Variants in ATRX observed in about 807,000 individuals in gnomAD.
The protein encoded by ATRX is chromatin remodeler ATRX.
Under a neutral mutation model 172.6 loss-of-function variants are expected in ATRX, and 12 were observed. The ratio of observed to expected loss-of-function variants is 0.07; its 90% CI spans 0.04 to 0.11. ATRX has a LOEUF of 0.11. Ranked by LOEUF, ATRX falls within the 10% of genes least tolerant of loss-of-function variation. The pLI is 1.00. For missense variants in ATRX, 1,368 were observed against 1,767.4 expected, an observed-to-expected ratio of 0.77 and a Z score of 4.05; for synonymous variants, 674 against 594.7, an observed-to-expected ratio of 1.13 and a Z score of -1.94.
chrX:77,705,120 C>T (rs995810013), intron 2 of ATRX, among the ~76,000 whole-genome samples: 10 of 111,062 alleles, frequency 9.0e-5, no homozygotes, highest in Non-Finnish European at 3.8e-5. Context: ...CCTGCCTGCT[C>T]GTGGAGCAGA....
chrX:77,654,350 G>A (rs1287973195), intron 13 of ATRX, 150 bp from the exon 14 acceptor site: 1 of 461,641 alleles, frequency 2.2e-6, no homozygotes, highest in Non-Finnish European at 3.7e-6. Flanking sequence ...TATTCCAGCA[G>A]CAGCCTAACC....
At chrX:77,566,852 A>G (rs1485290068) in intron 28 of ATRX, among the ~76,000 whole-genome samples, 16 of 112,517 alleles carry the variant, frequency 1.4e-4, no homozygotes, top group Non-Finnish European at 2.1e-4. Flanking sequence ...AATAATAAAT[A>G]TAAGTCAATA....
At chrX:77,690,101 AGTC>A (rs1274968272) in intron 6 of ATRX, among the ~76,000 whole-genome samples, 2 of 112,265 alleles carry the variant, frequency 1.8e-5, no homozygotes, top group African/African-American at 6.5e-5. Context: ...TAAGAGCTAG[AGTC>A]TCACTCTGTC....
At chrX:77,543,399 C>A (rs948588818) in intron 30 of ATRX, among the ~76,000 whole-genome samples, 1 of 111,938 alleles carries the variant, frequency 8.9e-6, no homozygotes, top group Non-Finnish European at 1.9e-5. Flanking sequence ...GACAATGTGG[C>A]GATTCCTCAA....
intron 15 of ATRX, among the ~76,000 whole-genome samples, chrX:77,644,942 T>C (rs1295389213): frequency 9.0e-6 from 1 of 111,009 alleles, no homozygotes; most frequent in Non-Finnish European, 1.9e-5. Context: ...TACGTATAGA[T>C]CAAAACACAT....
chrX:77,656,647 C>A lies in ATRX; in HGVS notation c.4127G>T (p.Ser1376Ile). Reference protein sequence around the residue: ...VKGRNRRKVSSEDSEDSDFQE... With the variant: ...VKGRNRRKVSIEDSEDSDFQE... ...AAAATCAGAATCTTCTGAATCTTCA[C>A]TGCTCACTTGAATTTTAAAAAATAC... The change falls in exon 13 of 35, where the codon AGT becomes ATT. Residue 1376 changes from serine to isoleucine, a missense_variant. Ser to Ile is a moderately radical substitution (Grantham distance 142). This residue lies in a region of ATRX where 119 missense variants were observed against 131.3 expected (regional missense o/e 0.91). Transcript: ENST00000373344. 8.4e-7 allele frequency: 1 copy of A among 1,193,159 alleles called. No homozygotes were observed. The highest frequency in any genetic ancestry group is 1.1e-6 in the Non-Finnish European group (1 of 882,791).
chrX:77,524,851 T>G (rs782171044), intron 30 of ATRX, among the ~76,000 whole-genome samples: 3 of 108,903 alleles, frequency 2.8e-5, no homozygotes, highest in African/African-American at 1.0e-4. Context: ...GCTCAAGTGA[T>G]TCTCCTGCCT....
chrX:77,730,198 T>TAAG (rs1372580104), intron 1 of ATRX, among the ~76,000 whole-genome samples: 2 of 111,319 alleles, frequency 1.8e-5, no homozygotes, highest in African/African-American at 3.3e-5. Context: ...TATACTAATA[T>TAAG]AAGACAAAAT....
At chrX:77,555,434 T>C (rs190183653) in intron 30 of ATRX, among the ~76,000 whole-genome samples, 5 of 111,619 alleles carry the variant, frequency 4.5e-5, no homozygotes, top group East Asian at 5.6e-4. Flanking sequence ...CTATTTACAA[T>C]AGCAAAGACC....
intron 22 of ATRX, among the ~76,000 whole-genome samples, chrX:77,612,655 T>C (rs940678702): frequency 8.9e-6 from 1 of 111,907 alleles, no homozygotes; most frequent in Non-Finnish European, 1.9e-5. Flanking sequence ...TGGCATTAAG[T>C]ATAATCACAA....
intron 2 of ATRX, among the ~76,000 whole-genome samples, chrX:77,710,168 G>A (rs782674897): frequency 1.3e-4 from 14 of 109,665 alleles, no homozygotes; most frequent in Middle Eastern, 4.6e-3. Context: ...GTGTGGTGGC[G>A]CTTGCCTGTA....
intron 28 of ATRX, among the ~76,000 whole-genome samples, chrX:77,559,057 T>C (rs1557060577): frequency 2.7e-5 from 3 of 111,157 alleles, no homozygotes; most frequent in African/African-American, 9.8e-5. Context: ...GAAAATAAAA[T>C]CGTCTGATTT....
chrX:77,755,392 T>G (rs1330099559), intron 1 of ATRX, among the ~76,000 whole-genome samples: 1 of 112,157 alleles, frequency 8.9e-6, no homozygotes, highest in Non-Finnish European at 1.9e-5. Flanking sequence ...AGGAGCTGTG[T>G]TCATTTGAAG....
chrX:77,657,553 ATAAATGATACTATT>A (rs1429266354), intron 12 of ATRX, among the ~76,000 whole-genome samples: 37 of 111,966 alleles, frequency 3.3e-4, no homozygotes, highest in Non-Finnish European at 6.0e-4. Flanking sequence ...GAGCAATAAA[ATAAATGATACTATT>A]TGATTATAAC....
chrX:77,673,799 A>G (rs1369029501), intron 10 of ATRX, among the ~76,000 whole-genome samples: 1 of 111,035 alleles, frequency 9.0e-6, no homozygotes, highest in African/African-American at 3.3e-5. Flanking sequence ...ATAAGTATAT[A>G]TGTTAGGGGA....
At chrX:77,647,566 C>T (rs2068982722) in intron 15 of ATRX, among the ~76,000 whole-genome samples, 1 of 111,644 alleles carries the variant, frequency 9.0e-6, no homozygotes, top group Admixed American at 9.5e-5. Context: ...TTACAAATTT[C>T]ACGATAAAAT....
At chrX:77,585,618 A>AAAAAAAAAAAAAAAG (rs2065986125) in intron 27 of ATRX, among the ~76,000 whole-genome samples, 1 of 93,727 alleles carries the variant, frequency 1.1e-5, no homozygotes. Flanking sequence ...AAAAAAAAAA[A>AAAAAAAAAAAAAAAG]AAAAAGGATC....
chrX:77,695,485 T>C (rs995542807), intron 5 of ATRX, among the ~76,000 whole-genome samples: 1 of 111,241 alleles, frequency 9.0e-6, no homozygotes, highest in Non-Finnish European at 1.9e-5. Context: ...AATTCCTATT[T>C]CTTACATCAT....
chrX:77,634,664 T>C lies in ATRX; in HGVS notation c.4739A>G (p.Lys1580Arg). 8.3e-7 allele frequency: 1 copy of C among 1,211,491 alleles called. No homozygotes were observed. Among genetic ancestry groups the C allele is most frequent in the East Asian group, 3.0e-5 (1 of 33,845 alleles). Residue 1580 changes from lysine to arginine, a missense_variant, in exon 17 of 35, where the codon AAA becomes AGA. Physicochemically the swap from Lys to Arg is conservative, Grantham distance 26 (BLOSUM62 2). Coordinates refer to ENST00000373344, the MANE Select transcript of ATRX (RefSeq NM_000489.6). Reference sequence around the variant, plus strand: ...TGAACCTGGAGATTTCTTTGTTTTTTTCACAGACTCACAGCAGCAATCCCA... The same window carrying C: ...TGAACCTGGAGATTTCTTTGTTTTTCTCACAGACTCACAGCAGCAATCCCA... Reference protein sequence around the residue: ...FMWDCCCESVKKTKKSPGSGC... With the variant: ...FMWDCCCESVRKTKKSPGSGC...
Sources: gnomAD v4.1 joint callset for allele counts (sites outside exome capture counted in the v4.1 genomes callset) on GRCh38, gnomAD v4.1.1 for gene constraint, gnomAD v4.1.1 regional missense constraint, MANE v1.5 for transcripts, NCBI Gene and HGNC (gene_info 2026-07-23, HGNC 2026-07-21) for gene names.